ANKAR: variants seen among roughly 807,000 people sequenced by gnomAD.
ANKAR encodes ankyrin and armadillo repeat-containing protein.
Under a neutral mutation model 146.2 loss-of-function variants are expected in ANKAR, and 136 were observed. The ratio of observed to expected loss-of-function variants is 0.93; its 90% CI spans 0.81 to 1.07. The LOEUF is 1.07. ANKAR is among the 50% of genes least tolerant of loss of function. The pLI is 0.00. For synonymous variants in ANKAR, 500 were observed against 575.8 expected (o/e 0.87, Z 1.88); for missense variants, 1,567 against 1,679.9 (o/e 0.93, Z 1.18).
chr2:189,728,339 C>T lies in ANKAR; in HGVS notation c.2950C>T (p.Gln984Ter). 6.2e-7 allele frequency: 1 copy of T among 1,613,286 alleles called. No homozygotes were observed. The highest frequency in any genetic ancestry group is 8.5e-7 in the Non-Finnish European group (1 of 1,179,740). ...WALAGQTLKQ[Q>*]KYMAEQIGYS... ...CTTGGCAGGACAAACACTAAAACAA[C>T]AAAAATATATGGCAGAACAAATTGG... Residue 984 changes from glutamine to a stop codon, truncating the protein, a stop_gained, in exon 14 of 23, where the codon CAA becomes TAA. Transcript: ENST00000684021. LOFTEE classifies it high-confidence loss of function.
chr2:189,719,791 A>T lies in ANKAR; in HGVS notation c.2444A>T (p.Asn815Ile). 6.3e-7 allele frequency: 1 copy of T among 1,580,798 alleles called. No individual in the cohort carries two copies. Among genetic ancestry groups the T allele is most frequent in the Middle Eastern group, 1.7e-4 (1 of 5,934 alleles). Reference protein sequence around the residue: ...VILYDIAQCENKDVIAKYNGI... With the variant: ...VILYDIAQCEIKDVIAKYNGI... ...CTATATGATATTGCTCAATGTGAAA[A>T]CAAGGATGTTATTGCCAAATATGTA... Residue 815 changes from asparagine (N) to isoleucine (I), a missense_variant, in exon 11 of 23, where the codon AAC becomes ATC. Asn to Ile is a moderately radical substitution (Grantham distance 149, BLOSUM62 -3). Coordinates refer to ENST00000684021, the MANE Select transcript of ANKAR (RefSeq NM_001378068.1).
rs559957105 is a variant in ANKAR at position 189,689,879 on chromosome 2, AAT to A, written c.957_958del (p.Ile319MetfsTer21). ...GAAGAGGGATAGGATACCTAAAGTT[AAT>A]ATGTTTTCTGATTCCATTTCTACTG... ...IRRGIGYLKL[I>X]CFLIPFLLSL... On this transcript the variant is annotated frameshift_variant, in exon 3 of 23. Coordinates refer to ENST00000684021, the MANE Select transcript of ANKAR (RefSeq NM_001378068.1). LOFTEE classifies it high-confidence loss of function. 1.3e-6 allele frequency: 2 copies of A among 1,586,414 alleles called. No individual in the cohort carries two copies. The highest frequency in any genetic ancestry group is 2.3e-5 in the South Asian group (2 of 85,142).
At chr2:189,717,978 C>T (rs1025834650) in intron 10 of ANKAR, among the ~76,000 whole-genome samples, 1 of 152,066 alleles carries the variant, frequency 6.6e-6, no homozygotes, top group Non-Finnish European at 1.5e-5. Context: ...AGGAGAAACA[C>T]CTAGTGTACA....
chr2:189,761,631 A>G (rs1399981867), downstream of ANKAR: 7 of 1,593,864 alleles, frequency 4.4e-6, no homozygotes, highest in Non-Finnish European at 5.1e-6. Context: ...GTCTTAGTCA[A>G]GATTAGCATA....
chr2:189,678,401 T>G (rs1229363743), intron 2 of ANKAR, among the ~76,000 whole-genome samples: 1 of 152,228 alleles, frequency 6.6e-6, no homozygotes, highest in East Asian at 1.9e-4. Flanking sequence ...GTCTGTTTAC[T>G]GATTGTTTCT....
intron 18 of ANKAR, chr2:189,753,970 C>T (rs368508200): frequency 1.2e-6 from 2 of 1,613,678 alleles, no homozygotes; most frequent in South Asian, 1.1e-5. Context: ...ACAGAATAGC[C>T]CGATGTGTTC....
At chr2:189,681,081 T>TG (rs949268118) in intron 2 of ANKAR, among the ~76,000 whole-genome samples, 9 of 152,228 alleles carry the variant, frequency 5.9e-5, no homozygotes, top group African/African-American at 2.2e-4. Flanking sequence ...TGAGAGGACG[T>TG]GGGACTGATG....
chr2:189,743,278 C>A lies in ANKAR; in HGVS notation c.3814C>A (p.Arg1272Ser), dbSNP rs145081425. 4 of 1,612,516 alleles carry A rather than the reference C, an allele frequency of 2.5e-6. No individual in the cohort carries two copies. The highest frequency in any genetic ancestry group is 3.4e-6 in the Non-Finnish European group (4 of 1,179,094). ...AAAGAATTGTTTCTTCATTTAGGTT[C>A]GTGCAGCTTGTTCCTCTGCTCTTGG... ...YHLYSGIEEVRAACSSALGYL... is the reference protein window; with the variant it reads ...YHLYSGIEEVSAACSSALGYL... Residue 1272 changes from arginine to serine, a missense_variant, in exon 21 of 23, where the codon CGT becomes AGT. By Grantham distance (110) the Arg-to-Ser change is moderately radical. Coordinates refer to ENST00000684021, the MANE Select transcript of ANKAR (RefSeq NM_001378068.1).
chr2:189,677,673 CTTT>C (rs1231293787), intron 2 of ANKAR, among the ~76,000 whole-genome samples: 1 of 143,342 alleles, frequency 7.0e-6, no homozygotes. Context: ...TTCTTTCTTT[CTTT>C]TTTTTTTTTT....
intron 17 of ANKAR, among the ~76,000 whole-genome samples, chr2:189,735,945 TG>T (rs1163150633): frequency 6.6e-6 from 1 of 152,160 alleles, no homozygotes; most frequent in East Asian, 1.9e-4. Flanking sequence ...TATAAATCAG[TG>T]GGTATAAAGT....
intron 18 of ANKAR, among the ~76,000 whole-genome samples, chr2:189,755,724 CAGTA>C (rs767581066): frequency 6.6e-6 from 1 of 152,148 alleles, no homozygotes; most frequent in Non-Finnish European, 1.5e-5. Context: ...GGTTAAAACT[CAGTA>C]AGCAGTAATT....
chr2:189,729,111 T>G (rs2042155482), intron 15 of ANKAR, among the ~76,000 whole-genome samples: 1 of 152,230 alleles, frequency 6.6e-6, no homozygotes, highest in African/African-American at 2.4e-5. Context: ...TTTTTAAGTT[T>G]AAGAGAAAAA....
At chr2:189,700,582 C>G (rs1413185534) in intron 7 of ANKAR, among the ~76,000 whole-genome samples, 8 of 152,036 alleles carry the variant, frequency 5.3e-5, no homozygotes, top group South Asian at 2.1e-4. Context: ...TTAAAATATA[C>G]AATTAATTTT....
At position 189,744,771 on chromosome 2, in the gene ANKAR, T is replaced by C; in HGVS notation, c.4040T>C (p.Ile1347Thr). Residue 1347 changes from isoleucine to threonine, a missense_variant, in exon 22 of 23, where the codon ATT becomes ACT. Transcript: ENST00000684021. The part of the protein sequence containing the change: ...SLEKNGGPSI[I>T]PIFKRGKEHR... ...GAGAAGAATGGAGGACCATCCATAA[T>C]TCCTATCTTTAAAAGAGGTAATTGA... 1 of 1,593,506 alleles carries C rather than the reference T, an allele frequency of 6.3e-7. No homozygotes were observed. Among genetic ancestry groups the C allele is most frequent in the East Asian group, 2.2e-5 (1 of 44,682 alleles).
chr2:189,717,608 A>T (rs1369816229), intron 10 of ANKAR, among the ~76,000 whole-genome samples: 1 of 152,202 alleles, frequency 6.6e-6, no homozygotes, highest in African/African-American at 2.4e-5. Flanking sequence ...AAGCATTATA[A>T]ATCATGCTGC....
downstream of ANKAR, chr2:189,746,802 G>A: frequency 1.5e-6 from 1 of 679,406 alleles, no homozygotes; most frequent in Non-Finnish European, 2.2e-6. Flanking sequence ...TCAGGTCAGA[G>A]TTATGGTTTC....
chr2:189,700,287 A>G (rs1253303973), intron 7 of ANKAR, among the ~76,000 whole-genome samples: 2 of 152,130 alleles, frequency 1.3e-5, no homozygotes, highest in African/African-American at 4.8e-5. Context: ...TTTCCTCCGC[A>G]CACTTCCTGC....
chr2:189,701,979 A>C lies in ANKAR; in HGVS notation c.1709-3044A>C, dbSNP rs140860871. On this transcript the variant is annotated intron_variant, in intron 7 of 22. Coordinates refer to ENST00000684021, the MANE Select transcript of ANKAR (RefSeq NM_001378068.1). The stretch of plus-strand genomic sequence containing the variant: ...AGAAGCATTCTATCATCCTATGATT[A>C]TATCTCAGTCTCTTGGTGAGCCTGC... Among the ~76,000 whole-genome samples, 1,140 of 152,286 alleles carry C rather than the reference A, an allele frequency of 7.5e-3. 17 individuals are homozygous for C. Among genetic ancestry groups the C allele is most frequent in the African/African-American group, 0.026 (1,084 of 41,556 alleles).
rs559782033 is a variant in ANKAR, at chr2:189,711,683, G to A, written c.2224+530G>A. On this transcript the variant is annotated intron_variant, in intron 10 of 22. Coordinates refer to ENST00000684021, the MANE Select transcript of ANKAR (RefSeq NM_001378068.1). ...GTCTGCAGCTCCCAGCATGATCGGC[G>A]CAGAAGACAGGTGATTTCTGCATTT... Among the ~76,000 whole-genome samples, 11 of 152,268 alleles carry A rather than the reference G, an allele frequency of 7.2e-5. No individual in the cohort carries two copies. In the South Asian group the frequency reaches 1.0e-3, roughly 14 times the overall value.
Sources: gnomAD v4.1 joint callset for allele counts (sites outside exome capture counted in the v4.1 genomes callset) on GRCh38, gnomAD v4.1.1 for gene constraint, MANE v1.5 for transcripts, NCBI Gene and HGNC (gene_info 2026-07-23, HGNC 2026-07-21) for gene names.